Variants in SYNE2 observed in about 807,000 individuals in gnomAD.
The protein encoded by SYNE2 is spectrin repeat containing nuclear envelope protein 2.
A neutral mutation model predicts 856.3 loss-of-function variants in SYNE2; 431 were observed. The observed-to-expected ratio is 0.50, with a 90% CI of 0.47 to 0.55. SYNE2 has a LOEUF of 0.55. Among genes scored for constraint, SYNE2 ranks in the 20% least tolerant of loss-of-function variants. The pLI, the probability that SYNE2 is intolerant of heterozygous loss-of-function variation, is 0.00. For synonymous variants in SYNE2, 2,923 were observed against 2,872.3 expected (o/e 1.02, Z -0.56); for missense variants, 8,129 against 8,023.2 (o/e 1.01, Z -0.50).
At chr14:64,043,751 A>C (rs1462257054) in intron 45 of SYNE2, among the ~76,000 whole-genome samples, 1 of 152,216 alleles carries the variant, frequency 6.6e-6, no homozygotes, top group Non-Finnish European at 1.5e-5. Flanking sequence ...GTGTGGAAAC[A>C]CCTGGATGCC....
At chr14:64,062,999 T>G in intron 50 of SYNE2, 104 bp downstream of exon 50, 1 of 1,319,596 alleles carries the variant, frequency 7.6e-7, no homozygotes. Context: ...CGTAGAAATC[T>G]TCACAGTGAG....
intron 32 of SYNE2, among the ~76,000 whole-genome samples, chr14:64,012,101 C>G (rs1466624038): frequency 1.3e-5 from 2 of 152,208 alleles, no homozygotes; most frequent in African/African-American, 4.8e-5. Flanking sequence ...TCCAGTCTTT[C>G]TGTTTGTGGC....
intron 1 of SYNE2, among the ~76,000 whole-genome samples, chr14:63,784,174 T>G (rs545358134): frequency 9.8e-4 from 149 of 152,256 alleles, no homozygotes; most frequent in African/African-American, 3.5e-3. Flanking sequence ...CCCTATACTA[T>G]TCTTGCAAGT....
chr14:63,809,053 G>A (rs1287549285), intron 1 of SYNE2, among the ~76,000 whole-genome samples: 2 of 152,064 alleles, frequency 1.3e-5, no homozygotes, highest in Non-Finnish European at 2.9e-5. Flanking sequence ...AGAAAGTGGA[G>A]AGGCCCGGAG....
chr14:64,133,854 T>C (rs2098053758), intron 77 of SYNE2, among the ~76,000 whole-genome samples: 1 of 152,206 alleles, frequency 6.6e-6, no homozygotes, highest in African/African-American at 2.4e-5. Flanking sequence ...CAACTCAGAT[T>C]CTTTTTAAAC....
chr14:64,132,350 A>G lies in SYNE2; in HGVS notation c.14426A>G (p.Glu4809Gly), dbSNP rs1303920418. The change falls in exon 77 of 116, where the codon GAG becomes GGG. Residue 4809 changes from glutamate to glycine, a missense_variant. Coordinates refer to ENST00000555002, the MANE Select transcript of SYNE2 (RefSeq NM_182914.3). ...KILPSLLQNR[E>G]TFWAEQVTEV... is the part of the protein sequence containing the mutation. Reference sequence around the variant, plus strand: ...CTTCCTTCTTTATTGCAAAACAGAGAGACATTTTGGGCAGAACAAGTAACA... The same window carrying G: ...CTTCCTTCTTTATTGCAAAACAGAGGGACATTTTGGGCAGAACAAGTAACA... The G allele has an allele frequency of 1.2e-6, 2 of 1,614,214 alleles. No homozygotes were observed. The highest frequency in any genetic ancestry group is 1.7e-6 in the Non-Finnish European group (2 of 1,180,034).
chr14:64,218,406 A>G lies in SYNE2; in HGVS notation c.19551A>G (p.Leu6517=). 6.2e-7 allele frequency: 1 copy of G among 1,613,998 alleles called. No homozygotes were observed. The highest frequency in any genetic ancestry group is 1.3e-5 in the African/African-American group (1 of 75,050). ...AAACTGGCTCATTCTAGGGAAAGCT[A>G]CTATTACCTCCAGGCACGGATGGTG... ...STPYKPPYGK[L]LLPPGTDGGK... is the part of the protein sequence containing the mutation. The change falls in exon 109 of 116, where the codon CTA becomes CTG. Residue 6517 remains leucine (L), a synonymous_variant. Coordinates refer to ENST00000555002, the MANE Select transcript of SYNE2 (RefSeq NM_182914.3).
At chr14:64,170,176 AT>A (rs1337683730) in intron 93 of SYNE2, 51 bp from the exon 94 acceptor site, 31 of 1,577,554 alleles carry the variant, frequency 2.0e-5, no homozygotes, top group Non-Finnish European at 2.5e-5. Flanking sequence ...ACTGATAGTT[AT>A]TTTTTCTACA....
At position 63,913,302 on chromosome 14, in the gene SYNE2, G is replaced by A. The variant is rs949645189; in HGVS notation, c.79+4075G>A. ...TTAGTGAAGAGGATGGTGTTGGACT[G>A]TTTGAATGGTTAGGAAGAGAAAGGA... On this transcript the variant is annotated intron_variant, in intron 2 of 115. Transcript: ENST00000555002. Among the ~76,000 whole-genome samples, 5 of 151,980 alleles carry A rather than the reference G, an allele frequency of 3.3e-5. No individual in the cohort carries two copies. In the South Asian group the frequency reaches 1.0e-3, roughly 32 times the overall value.
chr14:63,952,612 T>A (rs2096180123), intron 7 of SYNE2, among the ~76,000 whole-genome samples: 1 of 152,226 alleles, frequency 6.6e-6, no homozygotes. Flanking sequence ...ATTTCTTCAG[T>A]CATAAAATGT....
intron 1 of SYNE2, among the ~76,000 whole-genome samples, chr14:63,829,581 T>G (rs1889591620): frequency 6.6e-6 from 1 of 152,112 alleles, no homozygotes; most frequent in East Asian, 1.9e-4. Flanking sequence ...ATTCTCATAT[T>G]TTTATTTTTT....
intron 1 of SYNE2, among the ~76,000 whole-genome samples, chr14:63,771,066 C>CTTT (rs770101693): frequency 0.025 from 2,929 of 116,212 alleles, 166 homozygotes; most frequent in African/African-American, 0.073. Context: ...CTTATACACT[C>CTTT]TTTTTTTTTT....
chr14:63,913,135 A>G (rs1328327725), intron 2 of SYNE2, among the ~76,000 whole-genome samples: 4 of 152,094 alleles, frequency 2.6e-5, no homozygotes, highest in Non-Finnish European at 5.9e-5. Flanking sequence ...GAGTCTTGCT[A>G]TGATACCCAG....
In SYNE2 at chr14:63,949,886, G is replaced by T. The variant is rs2096123086; in HGVS notation, c.470G>T (p.Ser157Ile). ...NYNQPSLDDVSVVDSSPASSP... is the reference protein window; with the variant it reads ...NYNQPSLDDVIVVDSSPASSP... Reference sequence around the variant, plus strand: ...AATCAGCCTTCCCTGGATGATGTGAGTGTGGTTGACTCATCTCCTGCCTCA... The same window carrying T: ...AATCAGCCTTCCCTGGATGATGTGATTGTGGTTGACTCATCTCCTGCCTCA... Residue 157 changes from serine (S) to isoleucine (I), a missense_variant, in exon 7 of 116, where the codon AGT becomes ATT. By Grantham distance (142) the Ser-to-Ile change is moderately radical (BLOSUM62 -2). This residue lies in a region of SYNE2 where 2,422 missense variants were observed against 2,357.4 expected (regional missense o/e 1.03). Coordinates refer to ENST00000555002, the MANE Select transcript of SYNE2 (RefSeq NM_182914.3). 6.2e-7 allele frequency: 1 copy of T among 1,614,172 alleles called. No individual in the cohort carries two copies.
At chr14:64,167,690 C>A in intron 92 of SYNE2, 51 bp downstream of exon 92, 1 of 1,612,748 alleles carries the variant, frequency 6.2e-7, no homozygotes, top group South Asian at 1.1e-5. Flanking sequence ...GGGCAGGAGT[C>A]AGGGAAAGAT....
intron 103 of SYNE2, among the ~76,000 whole-genome samples, chr14:64,211,300 C>G (rs771687425): frequency 2.0e-5 from 3 of 152,188 alleles, no homozygotes; most frequent in Non-Finnish European, 2.9e-5. Flanking sequence ...TATCTCCTGC[C>G]GATCTGGCTG....
At chr14:63,839,112 C>T (rs537945671) in intron 1 of SYNE2, among the ~76,000 whole-genome samples, 1 of 152,186 alleles carries the variant, frequency 6.6e-6, no homozygotes, top group East Asian at 1.9e-4. Flanking sequence ...TCACTGCAAC[C>T]TCCAACTCCC....
At chr14:63,914,592 C>T (rs912649623) in intron 2 of SYNE2, among the ~76,000 whole-genome samples, 1 of 152,022 alleles carries the variant, frequency 6.6e-6, no homozygotes, top group Non-Finnish European at 1.5e-5. Flanking sequence ...TTTGCCTGGG[C>T]CTGGGTTATA....
intron 1 of SYNE2, among the ~76,000 whole-genome samples, chr14:63,769,208 C>A (rs1219544383): frequency 6.6e-6 from 1 of 152,186 alleles, no homozygotes; most frequent in African/African-American, 2.4e-5. Flanking sequence ...TTGGTTCCAG[C>A]ATCTAGAGAT....
Sources: gnomAD v4.1 joint callset for allele counts (sites outside exome capture counted in the v4.1 genomes callset) on GRCh38, gnomAD v4.1.1 for gene constraint, gnomAD v4.1.1 regional missense constraint, MANE v1.5 for transcripts, NCBI Gene and HGNC (gene_info 2026-07-23, HGNC 2026-07-21) for gene names.